The following FTO variants were observed in gnomAD, a reference collection of about 807,000 sequenced individuals.
FTO encodes FTO alpha-ketoglutarate dependent dioxygenase.
A neutral mutation model predicts 63.9 loss-of-function variants in FTO; 47 were observed. That is an observed-to-expected ratio of 0.74 (90% CI 0.58 to 0.94). The LOEUF is 0.94. FTO is among the 40% of genes least tolerant of loss of function. The pLI is 0.00. For synonymous variants in FTO, 207 were observed against 224.4 expected (o/e 0.92, Z 0.69); for missense variants, 562 against 618.1 (o/e 0.91, Z 0.96).
chr16:53,974,286 T>C (rs1391630395), intron 8 of FTO, among the ~76,000 whole-genome samples: 1 of 152,202 alleles, frequency 6.6e-6, no homozygotes, highest in Non-Finnish European at 1.5e-5. Flanking sequence ...AGGTACCTTG[T>C]ACAAAGCCAC....
chr16:54,067,393 G>A (rs1044695093), intron 8 of FTO, among the ~76,000 whole-genome samples: 2 of 152,116 alleles, frequency 1.3e-5, no homozygotes, highest in Non-Finnish European at 2.9e-5. Flanking sequence ...GTGGATAAGC[G>A]GCCATTATGA....
intron 1 of FTO, among the ~76,000 whole-genome samples, chr16:53,718,217 G>A (rs573419567): frequency 1.3e-5 from 2 of 151,534 alleles, no homozygotes; most frequent in African/African-American, 4.9e-5. Context: ...TTGTTCAATT[G>A]GGCACCATTT....
intron 8 of FTO, among the ~76,000 whole-genome samples, chr16:54,063,134 C>T (rs2085626520): frequency 1.3e-5 from 2 of 152,158 alleles, no homozygotes; most frequent in Admixed American, 6.5e-5. Flanking sequence ...AGTTCAGGCA[C>T]ATTTGGTTTA....
chr16:53,747,934 A>C (rs74807584), intron 1 of FTO, among the ~76,000 whole-genome samples: 2 of 152,042 alleles, frequency 1.3e-5, no homozygotes, highest in African/African-American at 4.8e-5. Flanking sequence ...CCTTTCCCCA[A>C]AGTATATACT....
chr16:53,947,937 G>A (rs905807080), intron 8 of FTO, among the ~76,000 whole-genome samples: 6 of 152,138 alleles, frequency 3.9e-5, no homozygotes, highest in African/African-American at 9.7e-5. Flanking sequence ...CATTGGAAAC[G>A]GGCTATGGCA....
intron 7 of FTO, among the ~76,000 whole-genome samples, chr16:53,914,189 G>A (rs1030187683): frequency 1.3e-5 from 2 of 151,870 alleles, no homozygotes; most frequent in Non-Finnish European, 2.9e-5. Flanking sequence ...TTGGACTTTA[G>A]CATTTCTGTT....
chr16:53,983,231 T>A (rs2083588014), intron 8 of FTO, among the ~76,000 whole-genome samples: 1 of 152,152 alleles, frequency 6.6e-6, no homozygotes, highest in Admixed American at 6.5e-5. Context: ...GATACTCAAC[T>A]TTTTTAACAA....
intron 8 of FTO, among the ~76,000 whole-genome samples, chr16:53,987,456 G>T (rs1007968519): frequency 5.3e-5 from 8 of 151,812 alleles, no homozygotes; most frequent in Non-Finnish European, 1.2e-4. Context: ...GGTGGCATGC[G>T]CCTGTAATCC....
At chr16:53,715,100 A>C (rs1044103682) in intron 1 of FTO, among the ~76,000 whole-genome samples, 3 of 152,112 alleles carry the variant, frequency 2.0e-5, no homozygotes, top group Non-Finnish European at 4.4e-5. Context: ...CTGTGTCCTG[A>C]CTGTCTACTT....
chr16:53,934,876 C>T (rs1438587712), intron 8 of FTO, among the ~76,000 whole-genome samples: 3 of 152,032 alleles, frequency 2.0e-5, no homozygotes, highest in African/African-American at 7.2e-5. Flanking sequence ...ATTTATCAAC[C>T]CGATTTTTAG....
At chr16:53,975,393 A>G (rs2083413743) in intron 8 of FTO, among the ~76,000 whole-genome samples, 1 of 152,068 alleles carries the variant, frequency 6.6e-6, no homozygotes, top group Non-Finnish European at 1.5e-5. Context: ...TTGACTTTCC[A>G]AATTTAATAC....
intron 8 of FTO, among the ~76,000 whole-genome samples, chr16:54,011,640 C>T (rs1213551594): frequency 1.3e-5 from 2 of 152,062 alleles, no homozygotes; most frequent in Non-Finnish European, 2.9e-5. Context: ...GTGCTCACTT[C>T]GTGTCTCTGT....
At chr16:54,008,126 T>C (rs149314000) in intron 8 of FTO, among the ~76,000 whole-genome samples, 243 of 152,346 alleles carry the variant, frequency 1.6e-3, no homozygotes, top group African/African-American at 5.6e-3. Context: ...TAGCACTTAA[T>C]AGATTCTCCA....
At chr16:53,992,739 G>A (rs1253717153) in intron 8 of FTO, 2 of 152,062 alleles carry the variant, frequency 1.3e-5, no homozygotes. Context: ...GCAAGACTGG[G>A]CGGTTTATTC....
At chr16:54,056,915 C>A (rs193169951) in intron 8 of FTO, among the ~76,000 whole-genome samples, 1 of 152,164 alleles carries the variant, frequency 6.6e-6, no homozygotes, top group African/African-American at 2.4e-5. Flanking sequence ...CCACATGTAT[C>A]GATTCATTTA....
At chr16:53,971,978 C>T (rs971863042) in intron 8 of FTO, among the ~76,000 whole-genome samples, 4 of 152,140 alleles carry the variant, frequency 2.6e-5, no homozygotes, top group Non-Finnish European at 5.9e-5. Context: ...CCCCTTCCCT[C>T]CTTCACCACT....
At chr16:53,778,750 C>T (rs756880412) in intron 1 of FTO, among the ~76,000 whole-genome samples, 24 of 151,940 alleles carry the variant, frequency 1.6e-4, no homozygotes, top group Non-Finnish European at 2.2e-4. Context: ...AGCCCAGGGT[C>T]GGAATTCCTG....
At chr16:53,711,253 T>A (rs942145044) in intron 1 of FTO, 2 of 388,822 alleles carry the variant, frequency 5.1e-6, no homozygotes, top group African/African-American at 4.1e-5. Context: ...TCAAATGGGG[T>A]TCCATTAACT....
intron 8 of FTO, among the ~76,000 whole-genome samples, chr16:54,029,483 C>A (rs1276859833): frequency 6.6e-6 from 1 of 152,178 alleles, no homozygotes; most frequent in Non-Finnish European, 1.5e-5. Flanking sequence ...TAACCTCTCA[C>A]ACTCCCCCTT....
Sources: gnomAD v4.1 joint callset for allele counts (sites outside exome capture counted in the v4.1 genomes callset) on GRCh38, gnomAD v4.1.1 for gene constraint, MANE v1.5 for transcripts, NCBI Gene and HGNC (gene_info 2026-07-23, HGNC 2026-07-21) for gene names.